The following RASSF5 variants were observed in gnomAD, a reference collection of about 807,000 sequenced individuals.
RASSF5 encodes Ras association domain family member 5.
In RASSF5, 25 loss-of-function variants were observed where a neutral mutation model predicts 40.5. The ratio of observed to expected loss-of-function variants is 0.62; its 90% confidence interval spans 0.45 to 0.86. RASSF5 has a LOEUF of 0.86. Ranked by LOEUF, RASSF5 falls within the 40% of genes least tolerant of loss-of-function variation. The probability of loss-of-function intolerance (pLI) is 0.00; values close to 1 mark genes in which losing one functional copy is unlikely to be tolerated. For missense variants in RASSF5, 521 were observed against 572.8 expected (o/e 0.91, Z 0.92); for synonymous variants, 246 against 252.4 (o/e 0.97, Z 0.24).
At chr1:206,577,839 C>T (rs1553405454) in intron 2 of RASSF5, among the ~76,000 whole-genome samples, 1 of 152,180 alleles carries the variant, frequency 6.6e-6, no homozygotes, top group East Asian at 1.9e-4. Flanking sequence ...AGGCACCAGG[C>T]ACAGAGAACA....
chr1:206,535,226 A>G lies in RASSF5; in HGVS notation c.458-2946A>G, dbSNP rs1009148750. Among the ~76,000 whole-genome samples the G allele has an allele frequency of 1.1e-4, 16 of 152,102 alleles. No homozygotes were observed. Among genetic ancestry groups the G allele is most frequent in the African/African-American group, 3.6e-4 (15 of 41,414 alleles). On this transcript the variant is annotated intron_variant, in intron 1 of 5. Coordinates refer to ENST00000579436, the MANE Select transcript of RASSF5 (RefSeq NM_182663.4). This position sits in a 1 kb window ranked among gnomAD's most constrained non-coding sequence, Gnocchi z 5.0. ...TCAAAAAGAAAAAACAAAAAACAAA[A>G]CATAAATTGAGCACCAGCTGAAGGC...
rs140663932 is a variant in RASSF5 at position 206,542,125 on chromosome 1, G to T, written c.579+3832G>T. The T allele has an allele frequency of 2.2e-3, 330 of 152,406 alleles. 2 individuals carry two copies. The highest frequency in any genetic ancestry group is 7.8e-3 in the African/African-American group (323 of 41,528). The allele number at this position is 152,406 out of a possible 1,614,324, so 9.4% of individuals were successfully genotyped here. A position where few individuals can be genotyped will look rare whatever the true frequency, so the allele number is the denominator to read the frequency against. On this transcript the variant is annotated intron_variant, in intron 2 of 5. Transcript: ENST00000579436. The stretch of plus-strand genomic sequence containing the variant: ...CAGTGCTCAAATTTTATGCCAGCAG[G>T]CCCAGAGTCCTACCCCTTCCTCCTG...
rs1667171160 is a variant in RASSF5 at position 206,529,170 on chromosome 1, C to CTTG, written c.458-9002_458-9001insTTG. ...TAACCAGTTCACCCAGGCCCTGGAC[C>CTTG]GCCAAACAGCTACTCAGCTGCTTAA... is the stretch of plus-strand genomic sequence containing the variant. On this transcript the variant is annotated intron_variant, in intron 1 of 5. Coordinates refer to ENST00000579436, the MANE Select transcript of RASSF5 (RefSeq NM_182663.4). 6.7e-6 allele frequency: 10 copies of CTTG among 1,496,292 alleles called. 1 individual carries two copies. The South Asian group carries it at 1.2e-4, about 17-fold the overall frequency. 92.7% of individuals were successfully genotyped at this position (1,496,292 alleles called of 1,614,324 possible). A position where few individuals can be genotyped will look rare whatever the true frequency, so the allele number is the denominator to read the frequency against.
chr1:206,528,232 AT>A (rs1667146629), intron 1 of RASSF5, among the ~76,000 whole-genome samples: 1 of 152,034 alleles, frequency 6.6e-6, no homozygotes, highest in Non-Finnish European at 1.5e-5. Context: ...TGTACCCACA[AT>A]TTTTTTAATT....
Position 206,587,746 on chromosome 1 carries a change from T to G in RASSF5, c.*768T>G, listed in dbSNP as rs1289126869. The G allele has an allele frequency of 6.6e-6, 1 of 152,448 alleles. No individual in the cohort carries two copies. Among genetic ancestry groups the G allele is most frequent in the Admixed American group, 6.5e-5 (1 of 15,292 alleles). 9.4% of individuals were successfully genotyped at this position (152,448 alleles called of 1,614,324 possible). On this transcript the variant is annotated 3_prime_UTR_variant, in exon 6 of 6. Transcript: ENST00000579436. The stretch of plus-strand genomic sequence containing the variant: ...TTTTAAGTTACAAATTTGAATTTAA[T>G]GTTGTCATCATCGTCATGTGTTTCC...
In RASSF5 at chr1:206,587,585, C is replaced by G. The variant is rs2102265376; in HGVS notation, c.*607C>G. The G allele has an allele frequency of 6.4e-6, 1 of 156,608 alleles. No individual in the cohort carries two copies. The highest frequency in any genetic ancestry group is 1.9e-4 in the East Asian group (1 of 5,396). 9.7% of individuals were successfully genotyped at this position (156,608 alleles called of 1,614,324 possible). A position where few individuals can be genotyped will look rare whatever the true frequency, so the allele number is the denominator to read the frequency against. Reference sequence around the variant, plus strand: ...TAAGGAGCACCAAAGCTGAGGCTGGCTCAGAGATCTCCAGAGAAGCTGCAG... The same window carrying G: ...TAAGGAGCACCAAAGCTGAGGCTGGGTCAGAGATCTCCAGAGAAGCTGCAG... On this transcript the variant is annotated 3_prime_UTR_variant, in exon 6 of 6. Transcript: ENST00000579436.
At chr1:206,573,015 G>C (rs1213163911) in intron 2 of RASSF5, among the ~76,000 whole-genome samples, 1 of 152,188 alleles carries the variant, frequency 6.6e-6, no homozygotes, top group East Asian at 1.9e-4. Context: ...AGATGATGAT[G>C]ATCATGATCA....
At chr1:206,557,376 G>T in intron 2 of RASSF5, 2 of 1,343,984 alleles carry the variant, frequency 1.5e-6, no homozygotes, top group East Asian at 3.0e-5. Context: ...CCGCCCGAGC[G>T]CTCGCACCCC....
intron 2 of RASSF5, among the ~76,000 whole-genome samples, chr1:206,539,375 T>A (rs903983184): frequency 1.3e-5 from 2 of 152,132 alleles, no homozygotes; most frequent in African/African-American, 4.8e-5. Flanking sequence ...AGGTGCTGGA[T>A]GGGAGACTCA....
At chr1:206,522,337 G>GT (rs1666927573) in intron 1 of RASSF5, among the ~76,000 whole-genome samples, 1 of 152,194 alleles carries the variant, frequency 6.6e-6, no homozygotes, top group Non-Finnish European at 1.5e-5. Context: ...CTCTCCCTGT[G>GT]TATCTCTGAG....
At chr1:206,557,409 C>T in intron 2 of RASSF5, 1 of 1,376,304 alleles carries the variant, frequency 7.3e-7, no homozygotes, top group African/African-American at 1.5e-5. Flanking sequence ...GCAGGCGGCC[C>T]GCCGGCTCTG....
intron 1 of RASSF5, among the ~76,000 whole-genome samples, chr1:206,530,335 A>G (rs1429007659): frequency 2.6e-5 from 4 of 152,174 alleles, no homozygotes; most frequent in Non-Finnish European, 5.9e-5. Flanking sequence ...GTTGACCAAT[A>G]TCAATATGCA....
intron 1 of RASSF5, among the ~76,000 whole-genome samples, chr1:206,518,232 GA>G (rs1666810576): frequency 6.6e-6 from 1 of 152,054 alleles, no homozygotes; most frequent in Non-Finnish European, 1.5e-5. Flanking sequence ...TGCGGAGACA[GA>G]AGGCATCGTC....
chr1:206,556,920 A>G (rs1668005106), intron 2 of RASSF5, among the ~76,000 whole-genome samples: 1 of 152,108 alleles, frequency 6.6e-6, no homozygotes, highest in African/African-American at 2.4e-5. Flanking sequence ...GTGGAACCTG[A>G]GTCACCGGGG....
At chr1:206,554,531 T>C (rs1553401492) in intron 2 of RASSF5, among the ~76,000 whole-genome samples, 1 of 152,256 alleles carries the variant, frequency 6.6e-6, no homozygotes, top group Non-Finnish European at 1.5e-5. Flanking sequence ...CTCTGGCTGC[T>C]ACAGCTTTAG....
In RASSF5 at chr1:206,553,684, C is replaced by T. The variant is rs568943087; in HGVS notation, c.579+15391C>T. ...ATACCAGTGGCATAGGTGAGACTTA[C>T]CCCCCAAGGAGAGCAGGGGTACACA... is the stretch of plus-strand genomic sequence containing the variant. On this transcript the variant is annotated intron_variant, in intron 2 of 5. Coordinates refer to ENST00000579436, the MANE Select transcript of RASSF5 (RefSeq NM_182663.4). Among the ~76,000 whole-genome samples the T allele has an allele frequency of 4.6e-5, 7 of 152,266 alleles. No individual in the cohort carries two copies. The South Asian group carries it at 8.3e-4, about 18-fold the overall frequency.
chr1:206,575,854 C>G (rs6660116), intron 2 of RASSF5, among the ~76,000 whole-genome samples: 81,352 of 152,066 alleles, frequency 0.53, 21,891 homozygotes, highest in Middle Eastern at 0.68. Flanking sequence ...CTGAGCCACA[C>G]GGCTAACGCC....
Position 206,507,752 on chromosome 1 carries a change from C to G in RASSF5, c.150C>G (p.Leu50=). 6.9e-7 allele frequency: 1 copy of G among 1,440,166 alleles called. No homozygotes were observed. The highest frequency in any genetic ancestry group is 9.0e-7 in the Non-Finnish European group (1 of 1,105,278). The allele number at this position is 1,440,166 out of a possible 1,614,324, so 89.2% of individuals were successfully genotyped here. A position where few individuals can be genotyped will look rare whatever the true frequency, so the allele number is the denominator to read the frequency against. The change falls in exon 1 of 6, where the codon CTC becomes CTG. Residue 50 remains leucine, a synonymous_variant. Transcript: ENST00000579436. ...RSSRLCVPAP[L]STAPGAREGR... ...CGCGCCTCTGTGTCCCGGCGCCCCT[C>G]TCCACTGCGCCCGGGGCGCGCGAGG...
chr1:206,533,253 C>T (rs534229075), intron 1 of RASSF5, among the ~76,000 whole-genome samples: 1 of 152,268 alleles, frequency 6.6e-6, no homozygotes, highest in South Asian at 2.1e-4. Flanking sequence ...AGAAGCAGGC[C>T]TGGTAGAAGT....
Sources: allele counts gnomAD v4.1 joint callset (sites outside exome capture counted in the v4.1 genomes callset), GRCh38; gene constraint gnomAD v4.1.1; non-coding constraint Gnocchi (gnomAD v3.1); transcripts MANE v1.5; gene names NCBI Gene and HGNC (gene_info 2026-07-23, HGNC 2026-07-21).